NTM: variants seen among roughly 807,000 people sequenced by gnomAD.
The protein encoded by NTM is neurotrimin.
NTM carries 13 observed loss-of-function variants against 42.1 expected under a neutral mutation model. The ratio of observed to expected loss-of-function variants is 0.31; its 90% CI spans 0.20 to 0.49. The LOEUF (loss-of-function observed/expected upper bound fraction) is 0.49, where lower values mean the gene tolerates loss of function less well. Ranked by LOEUF, NTM falls within the 20% of genes least tolerant of loss-of-function variation. The pLI is 0.99. For missense variants in NTM, 373 were observed against 452.8 expected (o/e 0.82, Z 1.60); for synonymous variants, 187 against 179.2 (o/e 1.04, Z -0.35).
chr11:131,712,387 C>T (rs1457155517), intron 1 of NTM, among the ~76,000 whole-genome samples: 3 of 151,858 alleles, frequency 2.0e-5, no homozygotes, highest in Non-Finnish European at 4.4e-5. Context: ...TCGGAAACTT[C>T]TGTGTATATA....
intron 1 of NTM, among the ~76,000 whole-genome samples, chr11:131,441,002 C>T (rs769860406): frequency 5.9e-5 from 9 of 151,958 alleles, no homozygotes; most frequent in Admixed American, 1.3e-4. Context: ...ATTTTGCCAA[C>T]GTGTTTCATC....
chr11:132,044,172 GCATGTGTA>G (rs1566016600), intron 2 of NTM, among the ~76,000 whole-genome samples: 1 of 44,880 alleles, frequency 2.2e-5, no homozygotes, highest in African/African-American at 1.9e-4. Context: ...GTGCTTATGT[GCATGTGTA>G]TGTGTGTGTG....
chr11:131,880,326 C>A (rs7101789), intron 1 of NTM, among the ~76,000 whole-genome samples: 1 of 152,100 alleles, frequency 6.6e-6, no homozygotes, highest in Admixed American at 6.5e-5. Flanking sequence ...GCAAACAGAC[C>A]TGGATCTAAT....
At chr11:132,148,244 G>T (rs1268590493) in intron 3 of NTM, among the ~76,000 whole-genome samples, 2 of 152,212 alleles carry the variant, frequency 1.3e-5, no homozygotes, top group Non-Finnish European at 2.9e-5. Flanking sequence ...ATTACAAAGA[G>T]TGGAGTAGGT....
chr11:132,157,642 G>C (rs1175238100), intron 3 of NTM, among the ~76,000 whole-genome samples: 1 of 151,252 alleles, frequency 6.6e-6, no homozygotes, highest in Non-Finnish European at 1.5e-5. Flanking sequence ...ACATTCTCTT[G>C]TTAACTGGGA....
intron 3 of NTM, among the ~76,000 whole-genome samples, chr11:132,180,688 CATCA>C (rs2077440955): frequency 6.6e-6 from 1 of 152,096 alleles, no homozygotes; most frequent in Admixed American, 6.6e-5. Context: ...GTTTAAATTC[CATCA>C]ATCTAAGGAC....
chr11:132,135,045 ATCC>A (rs1027293844), intron 2 of NTM, among the ~76,000 whole-genome samples: 5 of 151,718 alleles, frequency 3.3e-5, no homozygotes, highest in African/African-American at 1.2e-4. Flanking sequence ...AACTCCCCAA[ATCC>A]TCCTCCCCTC....
At chr11:131,728,887 A>G (rs2079283893) in intron 1 of NTM, among the ~76,000 whole-genome samples, 1 of 152,204 alleles carries the variant, frequency 6.6e-6, no homozygotes, top group African/African-American at 2.4e-5. Context: ...TTAGTGTACA[A>G]AAAGACACCA....
At chr11:132,166,516 G>GC (rs2075303754) in intron 3 of NTM, among the ~76,000 whole-genome samples, 2 of 152,156 alleles carry the variant, frequency 1.3e-5, no homozygotes, top group African/African-American at 4.8e-5. Context: ...ATTAGAGAGT[G>GC]CAGTGTAGAG....
At chr11:131,865,712 ACT>A (rs2047067232) in intron 1 of NTM, among the ~76,000 whole-genome samples, 1 of 143,884 alleles carries the variant, frequency 7.0e-6, no homozygotes, top group South Asian at 2.2e-4. Flanking sequence ...CACCCCACAC[ACT>A]GACACACCCC....
At chr11:131,854,236 C>A (rs559639028) in intron 1 of NTM, among the ~76,000 whole-genome samples, 12 of 152,132 alleles carry the variant, frequency 7.9e-5, no homozygotes, top group Admixed American at 5.2e-4. Flanking sequence ...TCATGGTAAT[C>A]GTGGTCAGAT....
chr11:132,261,182 A>C (rs760492801), intron 4 of NTM, among the ~76,000 whole-genome samples: 1 of 152,162 alleles, frequency 6.6e-6, no homozygotes, highest in Non-Finnish European at 1.5e-5. Context: ...TGGAGATAAG[A>C]ACTCTTTGGC....
At chr11:132,072,133 CTG>C (rs1049544684) in intron 2 of NTM, among the ~76,000 whole-genome samples, 8 of 152,160 alleles carry the variant, frequency 5.3e-5, no homozygotes, top group African/African-American at 1.9e-4. Context: ...CAGCATAACT[CTG>C]TGAATGAGCC....
chr11:131,679,808 C>T (rs2658836), intron 1 of NTM, among the ~76,000 whole-genome samples: 112,552 of 151,876 alleles, frequency 0.74, 41,893 homozygotes, highest in East Asian at 0.8. Flanking sequence ...TGGGTTCTGA[C>T]GGCCCTCCCA....
chr11:131,976,954 A>G (rs1490775348), intron 2 of NTM, among the ~76,000 whole-genome samples: 1 of 152,214 alleles, frequency 6.6e-6, no homozygotes, highest in Non-Finnish European at 1.5e-5. Flanking sequence ...GTGTGTGGGT[A>G]GTACATGACC....
At position 131,458,713 on chromosome 11, in the gene NTM, G is replaced by A. The variant is rs988589343; in HGVS notation, c.82+87825G>A. ...ACATTTGCTGAATTAAATTTTGAGA[G>A]TAGTTACCAATCTCAGGCCACCCAT... On this transcript the variant is annotated intron_variant, in intron 1 of 8. Coordinates refer to ENST00000683400, the MANE Select transcript of NTM (RefSeq NM_001352005.2). Among the ~76,000 whole-genome samples the A allele has an allele frequency of 2.7e-4, 41 of 152,216 alleles. 1 individual carries two copies.
chr11:131,633,765 C>CT (rs2064007001), intron 1 of NTM, among the ~76,000 whole-genome samples: 1 of 48,334 alleles, frequency 2.1e-5, no homozygotes, highest in African/African-American at 6.6e-5. Flanking sequence ...CCCTCTCTCT[C>CT]CCTCTCTCTC....
intron 1 of NTM, among the ~76,000 whole-genome samples, chr11:131,596,861 G>A (rs2059857454): frequency 6.6e-6 from 1 of 152,256 alleles, no homozygotes; most frequent in Non-Finnish European, 1.5e-5. Context: ...CGATCACAAG[G>A]TCCCACAATA....
intron 2 of NTM, among the ~76,000 whole-genome samples, chr11:132,141,799 T>C (rs544291931): frequency 6.6e-6 from 1 of 152,330 alleles, no homozygotes; most frequent in East Asian, 1.9e-4. Context: ...GCTTTATTTC[T>C]TTTTGTCTGG....
Sources: allele counts gnomAD v4.1 joint callset (sites outside exome capture counted in the v4.1 genomes callset), GRCh38; gene constraint gnomAD v4.1.1; transcripts MANE v1.5; gene names NCBI Gene and HGNC (gene_info 2026-07-23, HGNC 2026-07-21).